Variants in TRPC7 observed in about 807,000 individuals in gnomAD.
TRPC7 encodes the protein short transient receptor potential channel 7.
In TRPC7, 42 loss-of-function variants were observed where a neutral mutation model predicts 90.1. The observed-to-expected ratio is 0.47, with a 90% CI of 0.36 to 0.60. The LOEUF (loss-of-function observed/expected upper bound fraction) is 0.60, where lower values mean the gene tolerates loss of function less well. TRPC7 is among the 20% of genes least tolerant of loss of function. The pLI is 0.00. For missense variants in TRPC7, 955 were observed against 1,112.3 expected (o/e 0.86, Z 2.01); for synonymous variants, 451 against 436.3 (o/e 1.03, Z -0.42).
intron 5 of TRPC7, among the ~76,000 whole-genome samples, chr5:136,258,675 A>T (rs1485176289): frequency 6.6e-6 from 1 of 152,220 alleles, no homozygotes; most frequent in Non-Finnish European, 1.5e-5. Flanking sequence ...CAGGCTGTGG[A>T]GATGGAGCTT....
intron 7 of TRPC7, among the ~76,000 whole-genome samples, chr5:136,235,822 T>C (rs546952538): frequency 6.6e-6 from 1 of 152,234 alleles, no homozygotes; most frequent in African/African-American, 2.4e-5. Flanking sequence ...CCTAGCTAGT[T>C]ATAAAGTTTG....
intron 3 of TRPC7, among the ~76,000 whole-genome samples, chr5:136,280,132 C>T (rs557422808): frequency 1.4e-4 from 22 of 152,288 alleles, no homozygotes; most frequent in Non-Finnish European, 2.6e-4. Context: ...TGCTCTCCAA[C>T]CTGGGCGATG....
At chr5:136,289,922 C>A (rs1757876460) in intron 3 of TRPC7, among the ~76,000 whole-genome samples, 1 of 152,202 alleles carries the variant, frequency 6.6e-6, no homozygotes, top group African/African-American at 2.4e-5. Context: ...CTCACACGGC[C>A]AGGTACTCCT....
At chr5:136,316,975 C>T (rs1470862549) in intron 2 of TRPC7, among the ~76,000 whole-genome samples, 1 of 152,184 alleles carries the variant, frequency 6.6e-6, no homozygotes. Context: ...AGCCATTTTT[C>T]TGAGTTAATG....
At chr5:136,353,805 A>T (rs1306282354) in intron 2 of TRPC7, among the ~76,000 whole-genome samples, 1 of 152,236 alleles carries the variant, frequency 6.6e-6, no homozygotes. Flanking sequence ...GAATTGTAGA[A>T]AGGATTTTTC....
At chr5:136,308,495 G>A (rs1758718806) in intron 3 of TRPC7, among the ~76,000 whole-genome samples, 1 of 152,230 alleles carries the variant, frequency 6.6e-6, no homozygotes, top group Non-Finnish European at 1.5e-5. Context: ...GTAGGAGAAT[G>A]TCTGCTCAGG....
intron 3 of TRPC7, among the ~76,000 whole-genome samples, chr5:136,278,211 T>C (rs1001165728): frequency 2.3e-4 from 35 of 152,318 alleles, no homozygotes; most frequent in African/African-American, 8.2e-4. Flanking sequence ...TCCCTTTAAT[T>C]GTAGTTATAG....
intron 5 of TRPC7, 144 bp downstream of exon 5, chr5:136,266,076 T>C (rs1757017507): frequency 1.4e-6 from 1 of 728,438 alleles, no homozygotes; most frequent in African/African-American, 1.8e-5. Context: ...AGAAGTTGAC[T>C]CTGACTTTCT....
intron 1 of TRPC7, among the ~76,000 whole-genome samples, chr5:136,364,969 T>C (rs77991504): frequency 0.026 from 3,968 of 152,114 alleles, 72 homozygotes; most frequent in African/African-American, 0.045. Flanking sequence ...ACCTATACAC[T>C]CATCTAGGAA....
At chr5:136,352,022 C>G (rs1650610550) in intron 2 of TRPC7, among the ~76,000 whole-genome samples, 1 of 152,176 alleles carries the variant, frequency 6.6e-6, no homozygotes, top group Non-Finnish European at 1.5e-5. Context: ...CCATCGACAG[C>G]CTCCGTGCTA....
intron 1 of TRPC7, among the ~76,000 whole-genome samples, chr5:136,359,605 C>T (rs116810022): frequency 0.026 from 3,894 of 152,188 alleles, 195 homozygotes; most frequent in African/African-American, 0.091. Context: ...CCCAGAAAAA[C>T]CTTTACAGGA....
intron 3 of TRPC7, among the ~76,000 whole-genome samples, chr5:136,292,560 C>T (rs1757997015): frequency 6.6e-6 from 1 of 152,298 alleles, no homozygotes; most frequent in East Asian, 1.9e-4. Context: ...TGGATAAATT[C>T]CTTGACACAT....
chr5:136,222,372 C>T (rs1036135593), intron 10 of TRPC7, among the ~76,000 whole-genome samples: 1 of 152,204 alleles, frequency 6.6e-6, no homozygotes, highest in Non-Finnish European at 1.5e-5. Flanking sequence ...TAAGTGATTT[C>T]TCAGAGCCAC....
At chr5:136,289,884 G>C (rs1757872719) in intron 3 of TRPC7, among the ~76,000 whole-genome samples, 1 of 152,206 alleles carries the variant, frequency 6.6e-6, no homozygotes, top group African/African-American at 2.4e-5. Context: ...TAACTGGGAG[G>C]CACCCCCCAG....
At chr5:136,339,292 C>G (rs528571155) in intron 2 of TRPC7, among the ~76,000 whole-genome samples, 1 of 152,188 alleles carries the variant, frequency 6.6e-6, no homozygotes, top group African/African-American at 2.4e-5. Flanking sequence ...AACTAACCCC[C>G]TCTTTGCTCA....
intron 11 of TRPC7, among the ~76,000 whole-genome samples, chr5:136,215,668 C>T (rs949628371): frequency 6.6e-6 from 1 of 151,856 alleles, no homozygotes; most frequent in Non-Finnish European, 1.5e-5. Context: ...TAAAAAAATA[C>T]AAAAATTAGC....
chr5:136,259,804 A>G (rs1367997913), intron 5 of TRPC7, among the ~76,000 whole-genome samples: 1 of 152,206 alleles, frequency 6.6e-6, no homozygotes, highest in East Asian at 1.9e-4. Flanking sequence ...TCTCCAGGAT[A>G]TATATGTCTG....
intron 2 of TRPC7, among the ~76,000 whole-genome samples, chr5:136,336,323 C>T (rs1759661063): frequency 6.6e-6 from 1 of 152,064 alleles, no homozygotes; most frequent in Admixed American, 6.6e-5. Flanking sequence ...AGCCCTAATA[C>T]CTGGTACAGT....
intron 7 of TRPC7, among the ~76,000 whole-genome samples, chr5:136,236,131 C>A: frequency 6.6e-6 from 1 of 152,152 alleles, no homozygotes; most frequent in African/African-American, 2.4e-5. Context: ...TGCCAGGCAC[C>A]GTACCAGGCG....
Sources: gnomAD v4.1 joint callset for allele counts (sites outside exome capture counted in the v4.1 genomes callset) on GRCh38, gnomAD v4.1.1 for gene constraint, MANE v1.5 for transcripts, NCBI Gene and HGNC (gene_info 2026-07-23, HGNC 2026-07-21) for gene names.